The following PARN variants were observed in gnomAD, a reference collection of about 807,000 sequenced individuals.
The protein encoded by PARN is poly(A)-specific ribonuclease PARN.
A neutral mutation model predicts 102.8 loss-of-function variants in PARN; 71 were observed. The observed-to-expected ratio is 0.69, with a 90% confidence interval of 0.57 to 0.84. The LOEUF (loss-of-function observed/expected upper bound fraction) is 0.84, where lower values mean the gene tolerates loss of function less well. PARN is among the 40% of genes least tolerant of loss of function. PARN has a pLI of 0.00. For missense variants in PARN, 782 were observed against 760.9 expected, an observed-to-expected ratio of 1.03 and a Z score of -0.33; for synonymous variants, 261 against 252.9, an observed-to-expected ratio of 1.03 and a Z score of -0.30.
In PARN at chr16:14,545,435, A is replaced by G. The variant is rs1966881754; in HGVS notation, c.1480+6586T>C. Among the ~76,000 whole-genome samples the G allele has an allele frequency of 2.6e-5, 4 of 152,368 alleles. No homozygotes were observed. The South Asian group carries it at 8.3e-4, about 32-fold the overall frequency. On this transcript the variant is annotated intron_variant, in intron 21 of 23. Coordinates refer to ENST00000437198, the MANE Select transcript of PARN (RefSeq NM_002582.4). Reference sequence around the variant, plus strand: ...GAAACAACACATTTCTAAATAATCCAGGATCAAAGAAGAAATCACAAAACT... The same window carrying G: ...GAAACAACACATTTCTAAATAATCCGGGATCAAAGAAGAAATCACAAAACT...
At chr16:14,533,743 C>T (rs1337041688) in intron 21 of PARN, among the ~76,000 whole-genome samples, 1 of 152,174 alleles carries the variant, frequency 6.6e-6, no homozygotes, top group Non-Finnish European at 1.5e-5. Flanking sequence ...TCTTCTGCAT[C>T]TTCCTGCCAG....
At chr16:14,473,974 C>T (rs375212334) in intron 22 of PARN, among the ~76,000 whole-genome samples, 1 of 152,088 alleles carries the variant, frequency 6.6e-6, no homozygotes, top group Non-Finnish European at 1.5e-5. Flanking sequence ...ATTTAGAGGG[C>T]GGCCTCCACT....
chr16:14,473,248 T>C (rs1006593875), intron 22 of PARN, among the ~76,000 whole-genome samples: 4 of 152,262 alleles, frequency 2.6e-5, no homozygotes, highest in African/African-American at 9.6e-5. Flanking sequence ...TTTTACACTC[T>C]AGTGTACTAC....
At chr16:14,450,980 G>A (rs919420774) in intron 22 of PARN, among the ~76,000 whole-genome samples, 3 of 152,014 alleles carry the variant, frequency 2.0e-5, no homozygotes, top group Non-Finnish European at 4.4e-5. Flanking sequence ...GAAAAACTCC[G>A]ACTCTCCACT....
At chr16:14,463,652 C>A (rs1962127127) in intron 22 of PARN, among the ~76,000 whole-genome samples, 1 of 151,940 alleles carries the variant, frequency 6.6e-6, no homozygotes, top group Non-Finnish European at 1.5e-5. Context: ...GCAATAGTAA[C>A]TATCCAAAAT....
At chr16:14,628,301 A>G (rs1972803678) in intron 2 of PARN, 50 bp from the exon 3 acceptor site, 4 of 1,031,640 alleles carry the variant, frequency 3.9e-6, no homozygotes, top group Non-Finnish European at 6.0e-6. Flanking sequence ...ATACTAACGT[A>G]AAAATGCCAG....
intron 22 of PARN, among the ~76,000 whole-genome samples, chr16:14,452,770 TATA>T (rs1961520043): frequency 6.6e-6 from 1 of 152,250 alleles, no homozygotes; most frequent in Non-Finnish European, 1.5e-5. Flanking sequence ...GTTTATTTCA[TATA>T]ATGTTTCTGT....
Position 14,482,638 on chromosome 16 carries a change from C to T in PARN, c.1670G>A (p.Ser557Asn). 1 of 1,595,736 alleles carries T rather than the reference C, an allele frequency of 6.3e-7. No homozygotes were observed. The highest frequency in any genetic ancestry group is 8.5e-7 in the Non-Finnish European group (1 of 1,172,704). ...TLQNHYYRNN[S>N]FTAPSTVGKR... ...TAAATTAACAGCTGAGAGCTCTTAC[C>T]TATTGTTGCGGTAATAGTGATTCTG... Residue 557 changes from serine to asparagine, a missense_variant and splice_region_variant, in exon 22 of 24, where the codon AGT (serine) becomes AAT (asparagine). Transcript: ENST00000437198.
chr16:14,596,615 T>G (rs938431552), intron 12 of PARN, among the ~76,000 whole-genome samples: 23 of 151,986 alleles, frequency 1.5e-4, no homozygotes, highest in African/African-American at 5.5e-4. Flanking sequence ...TGGTACTGCA[T>G]GCCTGTAGTC....
chr16:14,507,989 C>A (rs564087697), intron 21 of PARN, among the ~76,000 whole-genome samples: 3 of 152,104 alleles, frequency 2.0e-5, no homozygotes, highest in Non-Finnish European at 2.9e-5. Context: ...TATGATTACA[C>A]CTACATAAAA....
At chr16:14,506,466 G>C (rs1276002666) in intron 21 of PARN, among the ~76,000 whole-genome samples, 1 of 152,052 alleles carries the variant, frequency 6.6e-6, no homozygotes, top group Non-Finnish European at 1.5e-5. Context: ...ATATATTAGG[G>C]CAATATTTTT....
At chr16:14,461,202 G>T (rs1009315410) in intron 22 of PARN, among the ~76,000 whole-genome samples, 2 of 152,130 alleles carry the variant, frequency 1.3e-5, no homozygotes, top group Non-Finnish European at 1.5e-5. Flanking sequence ...AGAAACCATC[G>T]TGGTCTAAAG....
At position 14,629,675 on chromosome 16, in the gene PARN, C is replaced by T. The variant is rs1972908306; in HGVS notation, c.20-1G>A. ...ACTTTGTGAAGATTACTCTTAAAAT[C>T]TGCGGAGAAACCGAAAAGAGGCTCA... is the stretch of plus-strand genomic sequence containing the variant. On this transcript the variant is annotated splice_acceptor_variant, in intron 1 of 23. Coordinates refer to ENST00000437198, the MANE Select transcript of PARN (RefSeq NM_002582.4). LOFTEE classifies it high-confidence loss of function. 6.2e-7 allele frequency: 1 copy of T among 1,610,934 alleles called. No homozygotes were observed. The highest frequency in any genetic ancestry group is 8.5e-7 in the Non-Finnish European group (1 of 1,177,176).
chr16:14,555,854 G>T, intron 18 of PARN, 145 bp from the exon 19 acceptor site: 1 of 474,998 alleles, frequency 2.1e-6, no homozygotes, highest in Non-Finnish European at 3.7e-6. Flanking sequence ...CACTCTATTT[G>T]TAAAATTATT....
chr16:14,493,598 T>C (rs1296829241), intron 21 of PARN, among the ~76,000 whole-genome samples: 1 of 152,022 alleles, frequency 6.6e-6, no homozygotes, highest in Non-Finnish European at 1.5e-5. Context: ...AAGCCTGCAA[T>C]CTGAAGGAAG....
chr16:14,606,767 C>G (rs1024690193), intron 9 of PARN, among the ~76,000 whole-genome samples: 1 of 150,942 alleles, frequency 6.6e-6, no homozygotes, highest in East Asian at 1.9e-4. Flanking sequence ...TTTTTTAGGA[C>G]TTAGGTATTT....
At chr16:14,610,924 T>A (rs370892003) in intron 6 of PARN, 115 bp from the exon 7 acceptor site, 1 of 674,420 alleles carries the variant, frequency 1.5e-6, no homozygotes. Flanking sequence ...TTTAACTACA[T>A]CTCAAAAAAT....
At chr16:14,442,356 T>C (rs1276219171) in intron 23 of PARN, among the ~76,000 whole-genome samples, 1 of 152,182 alleles carries the variant, frequency 6.6e-6, no homozygotes, top group Non-Finnish European at 1.5e-5. Flanking sequence ...ATTAATGGCA[T>C]GCAGAGTAGT....
intron 21 of PARN, among the ~76,000 whole-genome samples, chr16:14,527,819 T>C (rs1237551416): frequency 1.3e-5 from 2 of 151,996 alleles, no homozygotes; most frequent in Non-Finnish European, 2.9e-5. Flanking sequence ...AAATCACTAA[T>C]AAAAAGGACA....
Sources: allele counts gnomAD v4.1 joint callset (sites outside exome capture counted in the v4.1 genomes callset), GRCh38; gene constraint gnomAD v4.1.1; transcripts MANE v1.5; gene names NCBI Gene and HGNC (gene_info 2026-07-23, HGNC 2026-07-21).